The following KITLG variants were observed in gnomAD, a reference collection of about 807,000 sequenced individuals.
KITLG encodes KIT ligand.
In KITLG, 13 loss-of-function variants were observed where a neutral mutation model predicts 34.1. The ratio of observed to expected loss-of-function variants is 0.38; its 90% CI spans 0.25 to 0.61. KITLG has a LOEUF of 0.61. Ranked by LOEUF, KITLG falls within the 20% of genes least tolerant of loss-of-function variation. The probability of loss-of-function intolerance (pLI) is 0.60; values close to 1 mark genes in which losing one functional copy is unlikely to be tolerated. For missense variants in KITLG, 292 were observed against 318.9 expected, an observed-to-expected ratio of 0.92 and a Z score of 0.64; for synonymous variants, 110 against 104.0, an observed-to-expected ratio of 1.06 and a Z score of -0.35.
intron 1 of KITLG, among the ~76,000 whole-genome samples, chr12:88,571,105 A>G (rs1016816389): frequency 4.6e-5 from 7 of 152,170 alleles, no homozygotes; most frequent in African/African-American, 1.4e-4. Context: ...GATTGGTTTT[A>G]ATTTTTTTAT....
chr12:88,549,906 T>C (rs558515541), intron 1 of KITLG, among the ~76,000 whole-genome samples: 9 of 151,982 alleles, frequency 5.9e-5, no homozygotes, highest in Non-Finnish European at 1.2e-4. Flanking sequence ...AAAAAGATCA[T>C]GGAAGGAAGC....
Position 88,494,997 on chromosome 12 carries a change from C to A in KITLG, c.*2222G>T, listed in dbSNP as rs1217429042. 1 of 151,958 alleles carries A rather than the reference C, an allele frequency of 6.6e-6. No homozygotes were observed. The highest frequency in any genetic ancestry group is 1.5e-5 in the Non-Finnish European group (1 of 67,938). 9.4% of individuals were successfully genotyped at this position (151,958 alleles called of 1,614,324 possible). On this transcript the variant is annotated 3_prime_UTR_variant, in exon 10 of 10. Transcript: ENST00000644744. The stretch of plus-strand genomic sequence containing the variant: ...TCTATTGTTCATGCATTTTATTCAA[C>A]TTTAGTGTTTTAAAAATTGGCAATC...
intron 1 of KITLG, among the ~76,000 whole-genome samples, chr12:88,549,581 G>A (rs561906424): frequency 6.6e-6 from 1 of 152,240 alleles, no homozygotes; most frequent in African/African-American, 2.4e-5. Flanking sequence ...ACTGATATGG[G>A]GAAGACTGGG....
chr12:88,577,980 T>C (rs1489205541), intron 1 of KITLG, among the ~76,000 whole-genome samples: 1 of 152,210 alleles, frequency 6.6e-6, no homozygotes, highest in African/African-American at 2.4e-5. Flanking sequence ...TGTTTATAAA[T>C]GACTATTTAA....
chr12:88,554,599 C>A (rs1871038901), intron 1 of KITLG, among the ~76,000 whole-genome samples: 1 of 152,164 alleles, frequency 6.6e-6, no homozygotes, highest in Non-Finnish European at 1.5e-5. Flanking sequence ...TACCAAGATA[C>A]AGGTATGGTA....
intron 1 of KITLG, among the ~76,000 whole-genome samples, chr12:88,563,182 C>A (rs1382152401): frequency 2.0e-5 from 3 of 152,172 alleles, no homozygotes; most frequent in Non-Finnish European, 2.9e-5. Context: ...ATTCAAAATG[C>A]ATGCAAAGAA....
intron 1 of KITLG, among the ~76,000 whole-genome samples, chr12:88,576,544 T>C (rs752805373): frequency 2.6e-5 from 4 of 152,130 alleles, no homozygotes; most frequent in Non-Finnish European, 5.9e-5. Context: ...AAAACCACCA[T>C]GCGAGAAAAA....
intron 2 of KITLG, among the ~76,000 whole-genome samples, chr12:88,539,659 T>C (rs1040935739): frequency 2.6e-5 from 4 of 152,164 alleles, no homozygotes; most frequent in Non-Finnish European, 5.9e-5. Context: ...CAGTGGTTCA[T>C]ACCTGTAATC....
At chr12:88,541,659 A>C (rs879769701) in intron 2 of KITLG, among the ~76,000 whole-genome samples, 1 of 152,172 alleles carries the variant, frequency 6.6e-6, no homozygotes, top group Non-Finnish European at 1.5e-5. Flanking sequence ...GGTAAGTCTG[A>C]GTTTGCCATT....
chr12:88,514,872 T>C (rs1869402517), intron 6 of KITLG, among the ~76,000 whole-genome samples: 1 of 151,738 alleles, frequency 6.6e-6, no homozygotes, highest in African/African-American at 2.4e-5. Context: ...GTTTTTATTC[T>C]TCCTGCACCT....
intron 3 of KITLG, among the ~76,000 whole-genome samples, 172 bp downstream of exon 3, chr12:88,532,269 A>C (rs980064069): frequency 6.6e-6 from 1 of 152,044 alleles, no homozygotes; most frequent in African/African-American, 2.4e-5. Flanking sequence ...AAAGTTTAAC[A>C]GTTGCTTAAG....
intron 1 of KITLG, among the ~76,000 whole-genome samples, chr12:88,563,040 A>T (rs1325227163): frequency 6.6e-6 from 1 of 152,256 alleles, no homozygotes; most frequent in East Asian, 1.9e-4. Flanking sequence ...TGAGAAGTCA[A>T]CAATTCCATA....
chr12:88,571,414 T>C (rs1447301603), intron 1 of KITLG, among the ~76,000 whole-genome samples: 1 of 152,194 alleles, frequency 6.6e-6, no homozygotes, highest in Non-Finnish European at 1.5e-5. Flanking sequence ...TTGATCTATA[T>C]CCATTCAAAC....
chr12:88,525,021 C>G (rs1040527455), intron 3 of KITLG, among the ~76,000 whole-genome samples: 3 of 152,092 alleles, frequency 2.0e-5, no homozygotes, highest in African/African-American at 7.2e-5. Context: ...GATAGGCCAA[C>G]CAGAACGTTC....
intron 6 of KITLG, among the ~76,000 whole-genome samples, chr12:88,509,956 T>C (rs1338884356): frequency 6.6e-6 from 1 of 152,116 alleles, no homozygotes; most frequent in East Asian, 1.9e-4. Flanking sequence ...ACAACAAAGT[T>C]TTGATTTTAT....
At chr12:88,557,835 G>C (rs1399424061) in intron 1 of KITLG, among the ~76,000 whole-genome samples, 1 of 152,018 alleles carries the variant, frequency 6.6e-6, no homozygotes, top group Non-Finnish European at 1.5e-5. Flanking sequence ...CCAACTAGCT[G>C]CTCTTAAAAT....
intron 3 of KITLG, among the ~76,000 whole-genome samples, chr12:88,523,515 G>A (rs1869755678): frequency 6.6e-6 from 1 of 152,186 alleles, no homozygotes. Context: ...CTTTGGAATA[G>A]AAATGGTTCT....
At chr12:88,504,003 T>C (rs1868957049) in intron 9 of KITLG, among the ~76,000 whole-genome samples, 1 of 152,168 alleles carries the variant, frequency 6.6e-6, no homozygotes, top group Non-Finnish European at 1.5e-5. Context: ...ATTGATTCCA[T>C]ATATTTTTAT....
chr12:88,515,447 T>C, intron 6 of KITLG, 87 bp downstream of exon 6: 4 of 793,722 alleles, frequency 5.0e-6, no homozygotes, highest in Non-Finnish European at 2.2e-6. Flanking sequence ...TAATAATAAA[T>C]GTAGAAGTTT....
Sources: allele counts gnomAD v4.1 joint callset (sites outside exome capture counted in the v4.1 genomes callset), GRCh38; gene constraint gnomAD v4.1.1; transcripts MANE v1.5; gene names NCBI Gene and HGNC (gene_info 2026-07-23, HGNC 2026-07-21).